Variants in THOC2 observed in about 807,000 individuals in gnomAD.
THOC2 encodes the protein THO complex 2.
In THOC2, 10 loss-of-function variants were observed where a neutral mutation model predicts 128.4. That is an observed-to-expected ratio of 0.08 (90% CI 0.05 to 0.13). THOC2 has a LOEUF of 0.13. THOC2 is among the 10% of genes least tolerant of loss of function. The pLI is 1.00. For synonymous variants in THOC2, 393 were observed against 396.9 expected, an observed-to-expected ratio of 0.99 and a Z score of 0.12; for missense variants, 535 against 1,155.7, an observed-to-expected ratio of 0.46 and a Z score of 7.79.
At chrX:123,673,985 T>G (rs765320019) in intron 8 of THOC2, among the ~76,000 whole-genome samples, 1 of 112,347 alleles carries the variant, frequency 8.9e-6, no homozygotes, top group African/African-American at 3.2e-5. Flanking sequence ...TGATTTCAAC[T>G]GAGACTTGTT....
At chrX:123,697,306 A>G (rs770503419) in intron 5 of THOC2, among the ~76,000 whole-genome samples, 5 of 112,411 alleles carry the variant, frequency 4.4e-5, no homozygotes, top group African/African-American at 9.7e-5. Context: ...TCTAGAATTT[A>G]TCATTTTTAA....
At chrX:123,624,464 A>C (rs1423783585) in intron 26 of THOC2, 77 bp downstream of exon 26, 5 of 1,035,965 alleles carry the variant, frequency 4.8e-6, no homozygotes, top group Non-Finnish European at 6.5e-6. Flanking sequence ...TTCTCTTTTA[A>C]AACTCAACTA....
chrX:123,689,125 C>T (rs2050121910), intron 7 of THOC2, among the ~76,000 whole-genome samples: 1 of 112,331 alleles, frequency 8.9e-6, no homozygotes, highest in South Asian at 3.7e-4. Flanking sequence ...TTTACATTTT[C>T]AGTATGCTGA....
rs1320125724 is a variant in THOC2 at position 123,608,620 on chromosome X, A to G, written c.*18+2298T>C. ...GTGCCTGTAATCCCAGCTACTCAGGAGGATGAGGCAGGAGAATCTCTTGAA... is the reference window on the plus strand; with the variant it reads ...GTGCCTGTAATCCCAGCTACTCAGGGGGATGAGGCAGGAGAATCTCTTGAA... On this transcript the variant is annotated intron_variant, in intron 38 of 38. Coordinates refer to ENST00000245838, the MANE Select transcript of THOC2 (RefSeq NM_001081550.2). Among the ~76,000 whole-genome samples, 6 of 110,701 alleles carry G rather than the reference A, an allele frequency of 5.4e-5. 1 individual carries two copies. The highest frequency in any genetic ancestry group is 3.8e-5 in the Non-Finnish European group (2 of 52,949).
At chrX:123,717,018 T>C (rs1000835622) in intron 1 of THOC2, among the ~76,000 whole-genome samples, 23 of 111,666 alleles carry the variant, frequency 2.1e-4, no homozygotes, top group Non-Finnish European at 4.0e-4. Flanking sequence ...AAGTTGAAAG[T>C]TTTTCCTCTA....
intron 6 of THOC2, 106 bp downstream of exon 6, chrX:123,696,614 CA>C (rs1347590470): frequency 3.6e-5 from 30 of 837,272 alleles, no homozygotes; most frequent in East Asian, 1.4e-4. Flanking sequence ...TAACCACAAA[CA>C]AAAAAAACAA....
intron 12 of THOC2, among the ~76,000 whole-genome samples, chrX:123,659,429 G>A (rs916465489): frequency 5.3e-5 from 6 of 112,323 alleles, no homozygotes; most frequent in African/African-American, 9.7e-5. Context: ...AAAGTAGCTG[G>A]GCACGGTGGC....
chrX:123,604,100 A>G (rs2046380888), intron 38 of THOC2, among the ~76,000 whole-genome samples: 1 of 112,418 alleles, frequency 8.9e-6, no homozygotes, highest in South Asian at 3.7e-4. Context: ...AAGAAAGTGT[A>G]AGTTCTGAAT....
At chrX:123,675,211 T>C (rs2049437214) in intron 8 of THOC2, among the ~76,000 whole-genome samples, 1 of 112,069 alleles carries the variant, frequency 8.9e-6, no homozygotes, top group African/African-American at 3.2e-5. Context: ...TCAGTTATTG[T>C]ACTTTTCAAC....
At chrX:123,647,269 A>G (rs1340395883) in intron 12 of THOC2, among the ~76,000 whole-genome samples, 15 of 112,207 alleles carry the variant, frequency 1.3e-4, no homozygotes, top group Non-Finnish European at 5.6e-5. Flanking sequence ...AAATAAAAGC[A>G]ATTTTCTTTT....
intron 2 of THOC2, among the ~76,000 whole-genome samples, chrX:123,711,570 G>A (rs1196783661): frequency 9.1e-6 from 1 of 110,443 alleles, no homozygotes; most frequent in African/African-American, 3.3e-5. Flanking sequence ...GATCACCTGA[G>A]GTCAGGAGTT....
chrX:123,642,738 T>TATA (rs1448862194), intron 15 of THOC2, among the ~76,000 whole-genome samples: 1 of 108,607 alleles, frequency 9.2e-6, no homozygotes, highest in Non-Finnish European at 1.9e-5. Flanking sequence ...ACAATATTAA[T>TATA]ATAATAATAA....
At chrX:123,728,584 C>G (rs1333848261) in intron 1 of THOC2, among the ~76,000 whole-genome samples, 1 of 111,195 alleles carries the variant, frequency 9.0e-6, no homozygotes, top group African/African-American at 3.3e-5. Context: ...ACCACCAAGA[C>G]TAAAATTTCT....
rs73630727 is a variant in THOC2 at position 123,682,838 on chromosome X, C to T, written c.768+3710G>A. 9.0e-3 allele frequency among the ~76,000 whole-genome samples: 1,006 copies of T among 111,483 alleles called. 9 individuals carry two copies. Among genetic ancestry groups the T allele is most frequent in the African/African-American group, 0.031 (948 of 30,664 alleles). On this transcript the variant is annotated intron_variant, in intron 8 of 38. Transcript: ENST00000245838. ...TTGGGGTATGTATAATAGGGTTGAACCATGGTACTACCATTACTACTATTA... is the reference window on the plus strand; with the variant it reads ...TTGGGGTATGTATAATAGGGTTGAATCATGGTACTACCATTACTACTATTA...
intron 8 of THOC2, 96 bp downstream of exon 8, chrX:123,686,452 A>G (rs771981300): frequency 2.9e-6 from 2 of 700,260 alleles, no homozygotes; most frequent in African/African-American, 4.4e-5. Context: ...AACACCTGAG[A>G]TGAGACCAAT....
At chrX:123,613,307 A>G (rs1569322136) in intron 36 of THOC2, 92 bp downstream of exon 36, 9 of 920,148 alleles carry the variant, frequency 9.8e-6, no homozygotes, top group East Asian at 9.4e-5. Flanking sequence ...ACAAAAGACT[A>G]TAGGACTAGG....
At chrX:123,727,846 ACTTTC>A (rs1428008852) in intron 1 of THOC2, among the ~76,000 whole-genome samples, 1 of 112,752 alleles carries the variant, frequency 8.9e-6, no homozygotes, top group Non-Finnish European at 1.9e-5. Flanking sequence ...GACAGAATCT[ACTTTC>A]TGTCAAAAGA....
At chrX:123,696,256 A>G (rs1009831112) in intron 6 of THOC2, 102 bp from the exon 7 acceptor site, 21 of 522,963 alleles carry the variant, frequency 4.0e-5, no homozygotes, top group African/African-American at 2.2e-4. Flanking sequence ...TCCAACCTAC[A>G]ACAATCCTAA....
In THOC2 at chrX:123,623,942, T is replaced by C. The variant is rs767870891; in HGVS notation, c.3348A>G (p.Glu1116=). The C allele has an allele frequency of 2.5e-6, 3 of 1,202,756 alleles. No homozygotes were observed. Among genetic ancestry groups the C allele is most frequent in the Non-Finnish European group, 3.4e-6 (3 of 892,137 alleles). Residue 1116 remains glutamate, a synonymous_variant, in exon 28 of 39, where the codon GAA becomes GAG. Transcript: ENST00000245838. ...TCAAGATATTCCTGATGTGAGTATA[T>C]TCGCCTGTTTCAAGGCAATGTACCG... ...KASVHCLETG[E]YTHIRNILIV... is the part of the protein sequence containing the mutation.
Sources: allele counts gnomAD v4.1 joint callset (sites outside exome capture counted in the v4.1 genomes callset), GRCh38; gene constraint gnomAD v4.1.1; transcripts MANE v1.5; gene names NCBI Gene and HGNC (gene_info 2026-07-23, HGNC 2026-07-21).